Variants in GLDC observed in about 807,000 individuals in gnomAD.
GLDC encodes the protein glycine decarboxylase, also known as glycine dehydrogenase (decarboxylating), mitochondrial.
GLDC carries 104 observed loss-of-function variants against 121.3 expected under a neutral mutation model. That is an observed-to-expected ratio of 0.86 (90% confidence interval 0.73 to 1.01). GLDC has a LOEUF of 1.01. GLDC is among the 50% of genes least tolerant of loss of function. The probability of loss-of-function intolerance (pLI) is 0.00; values close to 1 mark genes in which losing one functional copy is unlikely to be tolerated. For synonymous variants in GLDC, 546 were observed against 480.6 expected, an observed-to-expected ratio of 1.14 and a Z score of -1.78; for missense variants, 1,429 against 1,306.6, an observed-to-expected ratio of 1.09 and a Z score of -1.44.
At chr9:6,551,513 T>C (rs530926822) in intron 20 of GLDC, among the ~76,000 whole-genome samples, 17 of 152,242 alleles carry the variant, frequency 1.1e-4, no homozygotes, top group African/African-American at 4.1e-4. Context: ...ACCTCACATG[T>C]GATGGAGTTG....
At chr9:6,634,572 C>T (rs1043632798) in intron 2 of GLDC, among the ~76,000 whole-genome samples, 1 of 149,410 alleles carries the variant, frequency 6.7e-6, no homozygotes, top group African/African-American at 2.5e-5. Context: ...AAAAAAAACC[C>T]GCCATGCTTC....
chr9:6,573,680 C>A (rs954019899), intron 15 of GLDC, among the ~76,000 whole-genome samples: 8 of 152,108 alleles, frequency 5.3e-5, no homozygotes, highest in Admixed American at 4.6e-4. Flanking sequence ...CCAAACTCTC[C>A]TTTACGTTGA....
intron 9 of GLDC, among the ~76,000 whole-genome samples, 177 bp downstream of exon 9, chr9:6,594,825 AAGAAAGAAAAAG>A (rs1818458917): frequency 6.6e-6 from 1 of 152,026 alleles, no homozygotes; most frequent in South Asian, 2.1e-4. Context: ...GAAAGAAAGA[AAGAAAGAAAAAG>A]AAAGAGAAAG....
chr9:6,595,212 G>A, intron 8 of GLDC, 93 bp from the exon 9 acceptor site: 1 of 853,718 alleles, frequency 1.2e-6, no homozygotes, highest in Non-Finnish European at 2.0e-6. Flanking sequence ...ACTGAAGACA[G>A]CGACAAAACA....
intron 4 of GLDC, 61 bp from the exon 5 acceptor site, chr9:6,606,730 G>C: frequency 2.1e-6 from 2 of 970,576 alleles, no homozygotes; most frequent in Non-Finnish European, 3.4e-6. Context: ...TATCTTCTAA[G>C]AACGCAAAGC....
At chr9:6,565,718 T>A in intron 15 of GLDC, 1 of 581,060 alleles carries the variant, frequency 1.7e-6, no homozygotes, top group East Asian at 2.8e-5. Context: ...TAGCCTTTTG[T>A]TATTATGAAA....
At chr9:6,579,549 G>A (rs903524878) in intron 15 of GLDC, among the ~76,000 whole-genome samples, 1 of 151,802 alleles carries the variant, frequency 6.6e-6, no homozygotes, top group African/African-American at 2.4e-5. Flanking sequence ...TTTGTAGATG[G>A]GGTCTTACTA....
intron 4 of GLDC, 118 bp downstream of exon 4, chr9:6,610,074 G>T: frequency 2.5e-6 from 2 of 807,430 alleles, no homozygotes; most frequent in Non-Finnish European, 4.0e-6. Flanking sequence ...CAGTTTCTCT[G>T]AAAAGTCATA....
At chr9:6,547,408 G>T (rs1817417492) in intron 21 of GLDC, among the ~76,000 whole-genome samples, 2 of 152,012 alleles carry the variant, frequency 1.3e-5, no homozygotes, top group Admixed American at 6.6e-5. Flanking sequence ...AAACAATAAG[G>T]TCATTTTCAC....
At chr9:6,625,119 C>T (rs967816468) in intron 2 of GLDC, among the ~76,000 whole-genome samples, 2 of 152,134 alleles carry the variant, frequency 1.3e-5, no homozygotes, top group Admixed American at 1.3e-4. Flanking sequence ...CTAACATTAT[C>T]CTCTGGCTTA....
chr9:6,594,045 G>T (rs1387122637), intron 9 of GLDC, among the ~76,000 whole-genome samples: 1 of 151,772 alleles, frequency 6.6e-6, no homozygotes, highest in African/African-American at 2.4e-5. Context: ...CGCTGGTCTT[G>T]AACTCCTGGC....
At chr9:6,550,020 C>G (rs1203170572) in intron 21 of GLDC, among the ~76,000 whole-genome samples, 1 of 152,156 alleles carries the variant, frequency 6.6e-6, no homozygotes, top group Admixed American at 6.5e-5. Flanking sequence ...TCCTTCACTC[C>G]AGACCAGAGA....
intron 16 of GLDC, among the ~76,000 whole-genome samples, chr9:6,562,161 T>C (rs551344999): frequency 7.2e-5 from 11 of 152,346 alleles, no homozygotes; most frequent in Admixed American, 3.9e-4. Context: ...TTATAAAGTG[T>C]TAAAGGCCAT....
Position 6,645,666 on chromosome 9 carries a change from G to A in GLDC, c.-167C>T. ...CGCTCGCGGGCAATGAATGGGCGCT[G>A]CGCTCAACCAAGACACTCGCGCAAA... On this transcript the variant is annotated 5_prime_UTR_variant, in exon 1 of 25. Transcript: ENST00000321612. 2.5e-6 allele frequency: 1 copy of A among 398,262 alleles called. No individual in the cohort carries two copies. The allele number at this position is 398,262 out of a possible 1,614,324, so 24.7% of individuals were successfully genotyped here. A position where few individuals can be genotyped will look rare whatever the true frequency, so the allele number is the denominator to read the frequency against.
At chr9:6,605,462 C>T in intron 5 of GLDC, 184 bp from the exon 6 acceptor site, 1 of 657,648 alleles carries the variant, frequency 1.5e-6, no homozygotes. Context: ...TCAAGCGCAT[C>T]CAACAGCTCT....
At chr9:6,601,748 C>T (rs1030058031) in intron 8 of GLDC, among the ~76,000 whole-genome samples, 3 of 152,064 alleles carry the variant, frequency 2.0e-5, no homozygotes, top group Non-Finnish European at 4.4e-5. Context: ...CCTGAGCCTC[C>T]CTAGCACCTG....
At chr9:6,601,683 G>A (rs1818614281) in intron 8 of GLDC, among the ~76,000 whole-genome samples, 1 of 152,124 alleles carries the variant, frequency 6.6e-6, no homozygotes, top group Admixed American at 6.6e-5. Context: ...GGAGTGCAGT[G>A]GCATAATCAT....
At chr9:6,566,464 G>A (rs573860179) in intron 15 of GLDC, 1 of 152,280 alleles carries the variant, frequency 6.6e-6, no homozygotes, top group Admixed American at 6.5e-5. Context: ...AGCCCCAAAA[G>A]AATGAGGCAC....
chr9:6,594,927 A>G (rs2129861211), intron 9 of GLDC, 87 bp downstream of exon 9: 1 of 821,806 alleles, frequency 1.2e-6, no homozygotes, highest in East Asian at 2.4e-5. Flanking sequence ...AATTTTGCAT[A>G]TAGTATTGGA....
Sources: gnomAD v4.1 joint callset for allele counts (sites outside exome capture counted in the v4.1 genomes callset) on GRCh38, gnomAD v4.1.1 for gene constraint, MANE v1.5 for transcripts, NCBI Gene and HGNC (gene_info 2026-07-23, HGNC 2026-07-21) for gene names.